The following DNM2 variants were observed in gnomAD, a reference collection of about 807,000 sequenced individuals.
DNM2 encodes the protein dynamin-2.
DNM2 carries 15 observed loss-of-function variants against 99.0 expected under a neutral mutation model. That is an observed-to-expected ratio of 0.15 (90% CI 0.10 to 0.23). DNM2 has a LOEUF of 0.23. Among genes scored for constraint, DNM2 ranks in the 10% least tolerant of loss-of-function variants. The pLI, the probability that DNM2 is intolerant of heterozygous loss-of-function variation, is 1.00. For missense variants in DNM2, 742 were observed against 1,189.4 expected, an observed-to-expected ratio of 0.62 and a Z score of 5.53; for synonymous variants, 525 against 481.2, an observed-to-expected ratio of 1.09 and a Z score of -1.19.
intron 11 of DNM2, among the ~76,000 whole-genome samples, chr19:10,801,703 G>A (rs1384426735): frequency 6.6e-6 from 1 of 150,660 alleles, no homozygotes; most frequent in Non-Finnish European, 1.5e-5. Context: ...TCAGGATTTC[G>A]AGACCAGCCT....
intron 1 of DNM2, among the ~76,000 whole-genome samples, chr19:10,753,253 G>A (rs753710863): frequency 2.6e-5 from 4 of 152,128 alleles, no homozygotes; most frequent in Admixed American, 6.6e-5. Flanking sequence ...TGTATGATGC[G>A]GAATTCAAAG....
Position 10,795,563 on chromosome 19 carries a change from TTC to T in DNM2, c.1196+126_1196+127del. ...GCCTTAAGAGGGCTCTTGGATGGTT[TTC>T]TGTAGCTGCGAGCCCCTCCCTGAGG... is the stretch of plus-strand genomic sequence containing the variant. On this transcript the variant is annotated intron_variant, in intron 9 of 20. Coordinates refer to ENST00000389253, the MANE Select transcript of DNM2 (RefSeq NM_001005361.3). This position sits in a 1 kb window ranked among gnomAD's most constrained non-coding sequence, Gnocchi z 4.2. 8.7e-7 allele frequency: 1 copy of T among 1,148,384 alleles called. No individual in the cohort carries two copies. The highest frequency in any genetic ancestry group is 1.3e-5 in the South Asian group (1 of 79,844). The allele number at this position is 1,148,384 out of a possible 1,614,324, so 71.1% of individuals were successfully genotyped here.
chr19:10,779,258 C>T (rs1001568708), intron 5 of DNM2, among the ~76,000 whole-genome samples: 14 of 151,064 alleles, frequency 9.3e-5, no homozygotes, highest in African/African-American at 3.4e-4. Context: ...TTTATTTTAT[C>T]GGAGCAGCAG....
intron 12 of DNM2, among the ~76,000 whole-genome samples, chr19:10,803,833 C>T (rs2072242108): frequency 6.6e-6 from 1 of 152,194 alleles, no homozygotes; most frequent in African/African-American, 2.4e-5. Context: ...GGACCTTGAC[C>T]GCACCAGCTG....
At position 10,796,584 on chromosome 19, in the gene DNM2, T is replaced by A. The variant is rs574475785; in HGVS notation, c.1197-796T>A. On this transcript the variant is annotated intron_variant, in intron 9 of 20. Transcript: ENST00000389253. The surrounding 1 kb of genome is among the most constrained non-coding windows in gnomAD (Gnocchi z 5.6). ...TTGAAGCTCCCTGGCTGTCACCCCTTCTTGACCAATGCCCGGCATTCTCAG... is the reference window on the plus strand; with the variant it reads ...TTGAAGCTCCCTGGCTGTCACCCCTACTTGACCAATGCCCGGCATTCTCAG... 1.3e-5 allele frequency among the ~76,000 whole-genome samples: 2 copies of A among 152,252 alleles called. No homozygotes were observed. The highest frequency in any genetic ancestry group is 4.1e-4 in the South Asian group (2 of 4,822).
At chr19:10,739,320 A>T (rs1245966930) in intron 1 of DNM2, among the ~76,000 whole-genome samples, 1 of 152,208 alleles carries the variant, frequency 6.6e-6, no homozygotes, top group Non-Finnish European at 1.5e-5. Flanking sequence ...GAAATATACT[A>T]TTCAGTGGAT....
chr19:10,727,940 C>T (rs933592493), intron 1 of DNM2, among the ~76,000 whole-genome samples: 2 of 152,128 alleles, frequency 1.3e-5, no homozygotes, highest in Non-Finnish European at 2.9e-5. Flanking sequence ...AAAATCCAAG[C>T]CAATAATGAG....
chr19:10,753,309 G>A (rs1050191727), intron 1 of DNM2, among the ~76,000 whole-genome samples: 3 of 152,044 alleles, frequency 2.0e-5, no homozygotes, highest in East Asian at 3.9e-4. Flanking sequence ...GGCCCCAGCC[G>A]CCCCGGGTCC....
At chr19:10,821,446 G>A (rs947355996) in intron 16 of DNM2, among the ~76,000 whole-genome samples, 2 of 152,284 alleles carry the variant, frequency 1.3e-5, no homozygotes, top group South Asian at 4.1e-4. Context: ...AGCTCCACAG[G>A]CATCAGGGTC....
chr19:10,827,877 GA>G (rs984110858), intron 18 of DNM2, among the ~76,000 whole-genome samples: 153 of 146,124 alleles, frequency 1.0e-3, no homozygotes, highest in Non-Finnish European at 1.5e-3. Flanking sequence ...CAAAAAAAAA[GA>G]AAAAAAAAAG....
At position 10,772,371 on chromosome 19, in the gene DNM2, G is replaced by T; in HGVS notation, c.236-108G>T. 6.8e-7 allele frequency: 1 copy of T among 1,475,686 alleles called. No individual in the cohort carries two copies. Among genetic ancestry groups the T allele is most frequent in the South Asian group, 1.1e-5 (1 of 87,694 alleles). 91.4% of individuals were successfully genotyped at this position (1,475,686 alleles called of 1,614,324 possible). ...TGGGATTACAGGCGTGAGCTACTGT[G>T]CCCAGCCTGGGTCATTACTTTCATT... On this transcript the variant is annotated intron_variant, in intron 2 of 20. Transcript: ENST00000389253. The surrounding 1 kb of genome is among the most constrained non-coding windows in gnomAD (Gnocchi z 4.9).
Position 10,797,563 on chromosome 19 carries a change from C to A in DNM2, c.1335+45C>A, listed in dbSNP as rs575331446. On this transcript the variant is annotated intron_variant, in intron 10 of 20. Transcript: ENST00000389253. The stretch of plus-strand genomic sequence containing the variant: ...TCTCCGCATTTGTCCCCGTCCTCCC[C>A]CTCCATGTGTTAGTCTCAACCCGAG... 7.4e-6 allele frequency: 12 copies of A among 1,613,228 alleles called. No homozygotes were observed. In the East Asian group the frequency reaches 1.3e-4, roughly 18 times the overall value.
intron 7 of DNM2, among the ~76,000 whole-genome samples, chr19:10,792,074 TGA>T (rs1169163783): frequency 6.6e-6 from 1 of 151,980 alleles, no homozygotes; most frequent in Non-Finnish European, 1.5e-5. Flanking sequence ...GGCGACAGAG[TGA>T]GACTCCAGCT....
intron 13 of DNM2, among the ~76,000 whole-genome samples, 190 bp downstream of exon 13, chr19:10,806,157 C>A (rs2072330001): frequency 1.3e-5 from 2 of 152,336 alleles, no homozygotes; most frequent in Non-Finnish European, 2.9e-5. Context: ...AGCCAACACT[C>A]TGGCAGGGCC....
Position 10,793,867 on chromosome 19 carries a change from C to G in DNM2, c.1128+12C>G. On this transcript the variant is annotated intron_variant, in intron 8 of 20. Coordinates refer to ENST00000389253, the MANE Select transcript of DNM2 (RefSeq NM_001005361.3). ...TTGAGCTGGTGAAGGTAGTGCCCCC[C>G]GGGGCTGGGCCCTCCCGTCTCTGGT... is the stretch of plus-strand genomic sequence containing the variant. 1.2e-6 allele frequency: 2 copies of G among 1,614,056 alleles called. No homozygotes were observed. Among genetic ancestry groups the G allele is most frequent in the Non-Finnish European group, 1.7e-6 (2 of 1,180,002 alleles).
intron 7 of DNM2, among the ~76,000 whole-genome samples, chr19:10,793,513 G>A (rs758803324): frequency 4.6e-5 from 7 of 152,202 alleles, no homozygotes; most frequent in Non-Finnish European, 4.4e-5. Context: ...GTGAATAATC[G>A]GAACAGGCTT....
At chr19:10,742,913 CT>C (rs61431112) in intron 1 of DNM2, among the ~76,000 whole-genome samples, 13,937 of 133,656 alleles carry the variant, frequency 0.1, 721 homozygotes, top group East Asian at 0.34. Flanking sequence ...GTTTTTCTTT[CT>C]TTTTTTTTTT....
rs1026025961 is a variant in DNM2, at chr19:10,795,757, C to T, written c.1196+318C>T. On this transcript the variant is annotated intron_variant, in intron 9 of 20. Coordinates refer to ENST00000389253, the MANE Select transcript of DNM2 (RefSeq NM_001005361.3). This position sits in a 1 kb window ranked among gnomAD's most constrained non-coding sequence, Gnocchi z 4.2. ...CACTGCAGATTTGCCTGGGGAGGGG[C>T]GGGGCGGCACTGAATCAGGGTTTTG... The T allele has an allele frequency of 1.6e-5, 9 of 579,342 alleles. No individual in the cohort carries two copies. The highest frequency in any genetic ancestry group is 4.7e-4 in the Middle Eastern group (1 of 2,132). 35.9% of individuals were successfully genotyped at this position (579,342 alleles called of 1,614,324 possible). A position where few individuals can be genotyped will look rare whatever the true frequency, so the allele number is the denominator to read the frequency against.
rs1247408710 is a variant in DNM2, at chr19:10,748,996, G to A, written c.162-10742G>A. Among the ~76,000 whole-genome samples, 9 of 152,304 alleles carry A rather than the reference G, an allele frequency of 5.9e-5. No homozygotes were observed. The South Asian group carries it at 1.7e-3, about 28-fold the overall frequency. ...GAAGGCTGGCTGTGGTGTCACGTGA[G>A]CCCTCCCAGCCACATTCAGGCTCAA... On this transcript the variant is annotated intron_variant, in intron 1 of 20. Coordinates refer to ENST00000389253, the MANE Select transcript of DNM2 (RefSeq NM_001005361.3).
Sources: gnomAD v4.1 joint callset for allele counts (sites outside exome capture counted in the v4.1 genomes callset) on GRCh38, gnomAD v4.1.1 for gene constraint, Gnocchi (gnomAD v3.1) non-coding constraint, MANE v1.5 for transcripts, NCBI Gene and HGNC (gene_info 2026-07-23, HGNC 2026-07-21) for gene names.